The following CEP128 variants were observed in gnomAD, a reference collection of about 807,000 sequenced individuals.
CEP128 encodes centrosomal protein 128kDa.
CEP128 carries 132 observed loss-of-function variants against 156.7 expected under a neutral mutation model. The observed-to-expected ratio is 0.84, with a 90% CI of 0.73 to 0.97. The LOEUF (loss-of-function observed/expected upper bound fraction) is 0.97, where lower values mean the gene tolerates loss of function less well. Ranked by LOEUF, CEP128 falls within the 50% of genes least tolerant of loss-of-function variation. CEP128 has a pLI of 0.00. For synonymous variants in CEP128, 469 were observed against 448.9 expected, an observed-to-expected ratio of 1.04 and a Z score of -0.57; for missense variants, 1,252 against 1,281.9, an observed-to-expected ratio of 0.98 and a Z score of 0.36.
intron 2 of CEP128, among the ~76,000 whole-genome samples, chr14:80,933,313 C>A (rs1186269232): frequency 6.6e-6 from 1 of 152,084 alleles, no homozygotes; most frequent in Non-Finnish European, 1.5e-5. Context: ...ATTCAGGGAG[C>A]TATAGCCACA....
intron 19 of CEP128, among the ~76,000 whole-genome samples, chr14:80,593,848 C>G (rs1250244540): frequency 6.6e-6 from 1 of 152,178 alleles, no homozygotes; most frequent in Non-Finnish European, 1.5e-5. Flanking sequence ...GAAAAACATT[C>G]CATGCTCATG....
chr14:80,600,938 T>TC (rs1211321303), intron 19 of CEP128, among the ~76,000 whole-genome samples: 1 of 151,842 alleles, frequency 6.6e-6, no homozygotes, highest in East Asian at 1.9e-4. Context: ...TTGATATTAA[T>TC]CCAAACTAGA....
intron 24 of CEP128, among the ~76,000 whole-genome samples, chr14:80,502,006 T>G (rs1566742595): frequency 6.6e-6 from 1 of 152,114 alleles, no homozygotes; most frequent in Non-Finnish European, 1.5e-5. Flanking sequence ...TCCCAGAAAT[T>G]TCTGCATAAG....
chr14:80,596,598 C>T lies in CEP128; in HGVS notation c.2807-16175G>A, dbSNP rs112054480. On this transcript the variant is annotated intron_variant, in intron 19 of 24. Coordinates refer to ENST00000555265, the MANE Select transcript of CEP128 (RefSeq NM_152446.5). ...CTGAGGCAAGAGGATCACTTGAGCCCGGAAGGTTGAGACCAGCCTGGGAAA... is the reference window on the plus strand; with the variant it reads ...CTGAGGCAAGAGGATCACTTGAGCCTGGAAGGTTGAGACCAGCCTGGGAAA... Among the ~76,000 whole-genome samples the T allele has an allele frequency of 3.3e-3, 507 of 151,816 alleles. 4 individuals carry two copies. The highest frequency in any genetic ancestry group is 0.012 in the African/African-American group (488 of 41,410).
chr14:80,940,462 T>C (rs1173146619), intron 1 of CEP128, among the ~76,000 whole-genome samples: 2 of 152,198 alleles, frequency 1.3e-5, no homozygotes, highest in Non-Finnish European at 2.9e-5. Context: ...CAGGTCAAAC[T>C]GACATGTGCT....
intron 19 of CEP128, among the ~76,000 whole-genome samples, chr14:80,727,782 A>G (rs1319012789): frequency 6.6e-6 from 1 of 152,182 alleles, no homozygotes; most frequent in Non-Finnish European, 1.5e-5. Flanking sequence ...ATCACCAATC[A>G]TTAAAGAAAT....
At chr14:80,525,282 A>G (rs1301793769) in intron 23 of CEP128, among the ~76,000 whole-genome samples, 1 of 152,216 alleles carries the variant, frequency 6.6e-6, no homozygotes, top group Non-Finnish European at 1.5e-5. Context: ...ACAGTGGTCA[A>G]TGACATAAAT....
At chr14:80,773,414 C>T (rs327476) in intron 16 of CEP128, among the ~76,000 whole-genome samples, 52,078 of 151,752 alleles carry the variant, frequency 0.34, 9,362 homozygotes, top group South Asian at 0.5. Context: ...AAAACATATG[C>T]AGTATATAAA....
At chr14:80,743,364 A>G (rs1898933230) in intron 18 of CEP128, 97 bp from the exon 19 acceptor site, 3 of 1,042,100 alleles carry the variant, frequency 2.9e-6, no homozygotes, top group Non-Finnish European at 4.1e-6. Flanking sequence ...ATTTGAACAA[A>G]TATAGATAAT....
chr14:80,706,767 T>C (rs1332258784), intron 19 of CEP128, among the ~76,000 whole-genome samples: 1 of 152,152 alleles, frequency 6.6e-6, no homozygotes, highest in Non-Finnish European at 1.5e-5. Context: ...AATCTGATGA[T>C]ATAAACATTG....
chr14:80,844,532 G>A (rs1458993), intron 9 of CEP128, among the ~76,000 whole-genome samples: 2 of 151,798 alleles, frequency 1.3e-5, no homozygotes, highest in Non-Finnish European at 2.9e-5. Context: ...GTATTTTCCC[G>A]ATGGAAATGG....
At chr14:80,709,866 T>C (rs2139404496) in intron 19 of CEP128, among the ~76,000 whole-genome samples, 1 of 152,200 alleles carries the variant, frequency 6.6e-6, no homozygotes, top group Admixed American at 6.5e-5. Context: ...GGTTCAGTTT[T>C]CATTATTAAC....
At chr14:80,737,484 G>A (rs1166980529) in intron 19 of CEP128, among the ~76,000 whole-genome samples, 2 of 152,012 alleles carry the variant, frequency 1.3e-5, no homozygotes, top group African/African-American at 4.8e-5. Flanking sequence ...AATAACTGAT[G>A]AGTTTTAATA....
chr14:80,509,730 C>CT, intron 23 of CEP128, among the ~76,000 whole-genome samples: 1 of 152,134 alleles, frequency 6.6e-6, no homozygotes, highest in East Asian at 1.9e-4. Flanking sequence ...TGGAGAGTTT[C>CT]TTTTTTCTTA....
chr14:80,526,272 T>C (rs1888971258), intron 23 of CEP128, among the ~76,000 whole-genome samples: 1 of 152,150 alleles, frequency 6.6e-6, no homozygotes, highest in Non-Finnish European at 1.5e-5. Flanking sequence ...AACTCTGCTC[T>C]AAACTGAGAG....
chr14:80,863,701 CT>C (rs1393542167), intron 8 of CEP128, among the ~76,000 whole-genome samples: 1 of 152,088 alleles, frequency 6.6e-6, no homozygotes, highest in African/African-American at 2.4e-5. Context: ...TATAAGAAAT[CT>C]TTTGTCACCA....
At chr14:80,828,249 A>G (rs1330825705) in intron 13 of CEP128, among the ~76,000 whole-genome samples, 1 of 150,912 alleles carries the variant, frequency 6.6e-6, no homozygotes. Flanking sequence ...CAGCCTCCCA[A>G]GTAGCTAGGA....
intron 8 of CEP128, among the ~76,000 whole-genome samples, chr14:80,888,519 A>G (rs750674640): frequency 6.6e-5 from 10 of 152,186 alleles, no homozygotes; most frequent in Non-Finnish European, 8.8e-5. Flanking sequence ...AACAAAACCA[A>G]TGACAAAAAC....
intron 19 of CEP128, among the ~76,000 whole-genome samples, chr14:80,656,273 TTTTATTTATATATATA>T (rs1291889930): frequency 0.018 from 906 of 51,228 alleles, 138 homozygotes; most frequent in Non-Finnish European, 0.022. Flanking sequence ...AAACCTAAGT[TTTTATTTATATATATA>T]TTTATATATA....
Sources: gnomAD v4.1 joint callset for allele counts (sites outside exome capture counted in the v4.1 genomes callset) on GRCh38, gnomAD v4.1.1 for gene constraint, MANE v1.5 for transcripts, NCBI Gene and HGNC (gene_info 2026-07-23, HGNC 2026-07-21) for gene names.